SPINK5: variants seen among roughly 807,000 people sequenced by gnomAD.
The protein encoded by SPINK5 is serine peptidase inhibitor Kazal type 5.
Under a neutral mutation model 151.8 loss-of-function variants are expected in SPINK5, and 125 were observed. That is an observed-to-expected ratio of 0.82 (90% CI 0.71 to 0.96). The LOEUF (loss-of-function observed/expected upper bound fraction) is 0.96, where lower values mean the gene tolerates loss of function less well. SPINK5 is among the 40% of genes least tolerant of loss of function. The pLI is 0.00. For missense variants in SPINK5, 1,194 were observed against 1,291.9 expected, an observed-to-expected ratio of 0.92 and a Z score of 1.16; for synonymous variants, 374 against 395.3, an observed-to-expected ratio of 0.95 and a Z score of 0.64.
At chr5:148,136,109 T>C (rs1168467791) in intron 32 of SPINK5, among the ~76,000 whole-genome samples, 1 of 152,164 alleles carries the variant, frequency 6.6e-6, no homozygotes, top group African/African-American at 2.4e-5. Context: ...TCAATTCCAG[T>C]GCTCTACTAC....
intron 30 of SPINK5, among the ~76,000 whole-genome samples, chr5:148,129,398 T>C (rs1253124568): frequency 1.3e-5 from 2 of 152,188 alleles, no homozygotes; most frequent in Non-Finnish European, 2.9e-5. Context: ...GAAGAGATGA[T>C]GCTGGTTTAT....
intron 8 of SPINK5, 121 bp downstream of exon 8, chr5:148,091,349 T>C: frequency 2.5e-6 from 2 of 812,908 alleles, no homozygotes; most frequent in Admixed American, 5.1e-5. Context: ...ATATTTTTCT[T>C]AATATCAAAA....
intron 10 of SPINK5, 45 bp downstream of exon 10, chr5:148,095,950 G>GTGTGT: frequency 6.8e-7 from 1 of 1,466,008 alleles, no homozygotes; most frequent in Non-Finnish European, 9.5e-7. Flanking sequence ...GTGTGTGTGT[G>GTGTGT]GGGGGGTGCG....
intron 24 of SPINK5, 24 bp downstream of exon 24, chr5:148,119,082 C>A (rs750042459): frequency 3.7e-5 from 59 of 1,607,200 alleles, no homozygotes; most frequent in Non-Finnish European, 4.8e-5. Context: ...TGGGTTTTGG[C>A]AAGAATCGTC....
chr5:148,112,283 G>A (rs1753955202), intron 19 of SPINK5, among the ~76,000 whole-genome samples: 1 of 152,142 alleles, frequency 6.6e-6, no homozygotes. Context: ...TATTTCTGGG[G>A]AGAAGAACAA....
chr5:148,110,231 T>G (rs1367845589), intron 18 of SPINK5, among the ~76,000 whole-genome samples: 1 of 152,188 alleles, frequency 6.6e-6, no homozygotes. Flanking sequence ...CACACATATC[T>G]TAAGTAGTCA....
chr5:148,099,809 C>T (rs903812301), intron 12 of SPINK5, among the ~76,000 whole-genome samples: 1 of 152,012 alleles, frequency 6.6e-6, no homozygotes, highest in African/African-American at 2.4e-5. Context: ...TATCCTTTCC[C>T]TTGCCCAACC....
At chr5:148,083,553 C>G (rs1753077412) in intron 4 of SPINK5, among the ~76,000 whole-genome samples, 1 of 151,382 alleles carries the variant, frequency 6.6e-6, no homozygotes, top group African/African-American at 2.4e-5. Flanking sequence ...AAACAAATAG[C>G]CATACTTTTG....
At chr5:148,106,284 T>C (rs1464799572) in intron 16 of SPINK5, among the ~76,000 whole-genome samples, 1 of 152,042 alleles carries the variant, frequency 6.6e-6, no homozygotes, top group Non-Finnish European at 1.5e-5. Context: ...ATCAGACTTA[T>C]TCTCTTCTCT....
chr5:148,068,899 G>A (rs1055334110), intron 2 of SPINK5, among the ~76,000 whole-genome samples: 1 of 151,996 alleles, frequency 6.6e-6, no homozygotes, highest in Non-Finnish European at 1.5e-5. Flanking sequence ...TCAGGAGTTC[G>A]AGATCAGCCT....
At chr5:148,120,756 A>G (rs1168732076) in intron 26 of SPINK5, among the ~76,000 whole-genome samples, 1 of 152,186 alleles carries the variant, frequency 6.6e-6, no homozygotes, top group Non-Finnish European at 1.5e-5. Context: ...CTGGGATTAC[A>G]TGAGCCATCG....
rs1474696141 is a variant in SPINK5, at chr5:148,089,554, A to G, written c.535A>G (p.Asn179Asp). The change falls in exon 7 of 33, where the codon AAT (asparagine) becomes GAT (aspartate). Residue 179 changes from asparagine to aspartate, a missense_variant. By Grantham distance (23) the Asn-to-Asp change is conservative. Transcript: ENST00000256084. Reference sequence around the variant, plus strand: ...TGGAAGACTTGGATGCACAAGGGAAAATGATCCTGTTCTTGGTCCTGATGG... The same window carrying G: ...TGGAAGACTTGGATGCACAAGGGAAGATGATCCTGTTCTTGGTCCTGATGG... ...RDGRLGCTRE[N>D]DPVLGPDGKT... 4 of 1,612,076 alleles carry G rather than the reference A, an allele frequency of 2.5e-6. No homozygotes were observed. The African/African-American group carries it at 5.4e-5, about 22-fold the overall frequency.
chr5:148,086,438 G>A lies in SPINK5; in HGVS notation c.316G>A (p.Asp106Asn), dbSNP rs17860502. ...TGATGATTTTAAAAAAGGAGAAAGA[G>A]ATGGGGATTTTATCTGTCCTGATTA... Reference protein sequence around the residue: ...NCDDFKKGERDGDFICPDYYE... With the variant: ...NCDDFKKGERNGDFICPDYYE... The change falls in exon 5 of 33, where the codon GAT becomes AAT. Residue 106 changes from aspartate to asparagine, a missense_variant. Physicochemically the swap from Asp to Asn is conservative, Grantham distance 23. Coordinates refer to ENST00000256084, the MANE Select transcript of SPINK5 (RefSeq NM_006846.4). 62,986 of 1,611,568 alleles carry A rather than the reference G, an allele frequency of 0.039. 1,786 individuals are homozygous for A. The highest frequency in any genetic ancestry group is 0.16 in the East Asian group (6,973 of 44,714).
chr5:148,087,618 T>C (rs1484041159), intron 5 of SPINK5, among the ~76,000 whole-genome samples: 1 of 151,816 alleles, frequency 6.6e-6, no homozygotes, highest in South Asian at 2.1e-4. Flanking sequence ...TTATCAGATA[T>C]ATATTGTGTA....
intron 30 of SPINK5, among the ~76,000 whole-genome samples, chr5:148,128,454 G>T (rs888615639): frequency 1.3e-5 from 2 of 152,104 alleles, no homozygotes; most frequent in Admixed American, 1.3e-4. Context: ...CATCAAGCCG[G>T]CAGTCCTTTT....
intron 6 of SPINK5, chr5:148,089,184 A>G (rs1460888473): frequency 1.0e-5 from 5 of 484,304 alleles, no homozygotes; most frequent in Admixed American, 4.6e-5. Flanking sequence ...ATTTAGCATC[A>G]TGCAATTTTA....
In SPINK5 at chr5:148,108,777, A is replaced by G; in HGVS notation, c.1632A>G (p.Lys544=). The change falls in exon 18 of 33, where the codon AAA becomes AAG. Residue 544 remains lysine, a synonymous_variant. Coordinates refer to ENST00000256084, the MANE Select transcript of SPINK5 (RefSeq NM_006846.4). ...SVFKLEEEEK[K]NDKEEKGKVE... ...GCAAACTTGAAGAAGAAGAGAAGAA[A>G]AATGATAAAGAAGAAAAAGGGAAAG... 2.5e-6 allele frequency: 4 copies of G among 1,612,106 alleles called. No individual in the cohort carries two copies. Among genetic ancestry groups the G allele is most frequent in the Non-Finnish European group, 3.4e-6 (4 of 1,178,618 alleles).
At chr5:148,130,449 A>G (rs1263286814) in intron 30 of SPINK5, among the ~76,000 whole-genome samples, 1 of 152,078 alleles carries the variant, frequency 6.6e-6, no homozygotes, top group Non-Finnish European at 1.5e-5. Context: ...ATTGGATTTA[A>G]GTCTTCCATC....
At chr5:148,118,702 T>G in intron 23 of SPINK5, 138 bp downstream of exon 23, 2 of 1,299,618 alleles carry the variant, frequency 1.5e-6, no homozygotes, top group Non-Finnish European at 2.1e-6. Flanking sequence ...TTTTTTCTCT[T>G]GCGTTCTCTA....
Sources: gnomAD v4.1 joint callset for allele counts (sites outside exome capture counted in the v4.1 genomes callset) on GRCh38, gnomAD v4.1.1 for gene constraint, MANE v1.5 for transcripts, NCBI Gene and HGNC (gene_info 2026-07-23, HGNC 2026-07-21) for gene names.